The following TAFA1 variants were observed in gnomAD, a reference collection of about 807,000 sequenced individuals.
The protein encoded by TAFA1 is TAFA chemokine like family member 1.
A neutral mutation model predicts 18.5 loss-of-function variants in TAFA1; 4 were observed. The observed-to-expected ratio is 0.22, with a 90% CI of 0.11 to 0.49. TAFA1 has a LOEUF of 0.49. Ranked by LOEUF, TAFA1 falls within the 20% of genes least tolerant of loss-of-function variation. The pLI is 0.98. For synonymous variants in TAFA1, 56 were observed against 55.2 expected, an observed-to-expected ratio of 1.01 and a Z score of -0.06; for missense variants, 147 against 169.0, an observed-to-expected ratio of 0.87 and a Z score of 0.72.
intron 2 of TAFA1, among the ~76,000 whole-genome samples, chr3:68,022,939 A>G (rs1394494846): frequency 7.2e-6 from 1 of 139,748 alleles, no homozygotes; most frequent in Non-Finnish European, 1.5e-5. Flanking sequence ...TAATCCTTAT[A>G]TTTACCACTG....
intron 2 of TAFA1, among the ~76,000 whole-genome samples, chr3:68,244,009 G>T (rs2067035549): frequency 6.6e-6 from 1 of 152,124 alleles, no homozygotes; most frequent in South Asian, 2.1e-4. Flanking sequence ...TCTCATTGTG[G>T]TTTTAATTTG....
intron 2 of TAFA1, among the ~76,000 whole-genome samples, chr3:68,062,887 T>G (rs551470160): frequency 6.6e-6 from 1 of 152,230 alleles, no homozygotes; most frequent in Non-Finnish European, 1.5e-5. Flanking sequence ...CCAAAAGCTC[T>G]CAAAAGCAAT....
At chr3:68,296,363 C>G (rs1004350515) in intron 2 of TAFA1, among the ~76,000 whole-genome samples, 2 of 152,166 alleles carry the variant, frequency 1.3e-5, no homozygotes, top group East Asian at 1.9e-4. Flanking sequence ...TTCCCAAGAG[C>G]CCCTTAAATG....
At chr3:68,281,674 T>A (rs867289847) in intron 2 of TAFA1, among the ~76,000 whole-genome samples, 6 of 152,010 alleles carry the variant, frequency 3.9e-5, no homozygotes, top group Admixed American at 3.3e-4. Context: ...TTCAGGCTGG[T>A]CTCAAACTCC....
intron 2 of TAFA1, among the ~76,000 whole-genome samples, chr3:68,165,370 A>C (rs2065972016): frequency 6.6e-6 from 1 of 152,196 alleles, no homozygotes; most frequent in Non-Finnish European, 1.5e-5. Context: ...ATATTTAGAG[A>C]AAGATTTCTT....
At chr3:68,442,817 A>G (rs1208639096) in intron 3 of TAFA1, among the ~76,000 whole-genome samples, 1 of 152,204 alleles carries the variant, frequency 6.6e-6, no homozygotes, top group East Asian at 1.9e-4. Flanking sequence ...CTCACAGGCA[A>G]TCTTTACTAT....
At chr3:68,462,847 T>C (rs1401378610) in intron 3 of TAFA1, among the ~76,000 whole-genome samples, 1 of 152,178 alleles carries the variant, frequency 6.6e-6, no homozygotes, top group East Asian at 1.9e-4. Context: ...TGAAATTCCA[T>C]GGAATATACA....
rs192573634 is a variant in TAFA1, at chr3:68,460,035, T to A, written c.259+42615T>A. Among the ~76,000 whole-genome samples the A allele has an allele frequency of 3.9e-5, 6 of 152,280 alleles. No homozygotes were observed. The East Asian group carries it at 9.6e-4, about 24-fold the overall frequency. On this transcript the variant is annotated intron_variant, in intron 3 of 4. Coordinates refer to ENST00000478136, the MANE Select transcript of TAFA1 (RefSeq NM_213609.4). The stretch of plus-strand genomic sequence containing the variant: ...CAACTGCATATCATCTCTGAAAGAA[T>A]TACTTTATGGTTGTTCCTTCAATCT...
chr3:68,515,433 C>T (rs1057249290), intron 3 of TAFA1, among the ~76,000 whole-genome samples: 9 of 152,144 alleles, frequency 5.9e-5, no homozygotes, highest in African/African-American at 2.2e-4. Context: ...CCAGCCTGGT[C>T]ATGTGGCCAC....
At chr3:68,288,381 G>A (rs898683357) in intron 2 of TAFA1, among the ~76,000 whole-genome samples, 1 of 26,506 alleles carries the variant, frequency 3.8e-5, no homozygotes, top group South Asian at 3.3e-3. Context: ...CAGTGAAAGC[G>A]AAATGAGCCA....
chr3:68,471,894 C>T (rs1016875596), intron 3 of TAFA1, among the ~76,000 whole-genome samples: 2 of 152,194 alleles, frequency 1.3e-5, no homozygotes, highest in African/African-American at 4.8e-5. Context: ...AGTGTACCCC[C>T]ATTGTATCTA....
chr3:68,366,728 A>G (rs1394271102), intron 2 of TAFA1, among the ~76,000 whole-genome samples: 1 of 152,224 alleles, frequency 6.6e-6, no homozygotes, highest in African/African-American at 2.4e-5. Flanking sequence ...CTATACACCA[A>G]AAAGAATGAT....
intron 2 of TAFA1, among the ~76,000 whole-genome samples, chr3:68,170,416 C>A (rs1319723095): frequency 6.6e-6 from 1 of 152,146 alleles, no homozygotes; most frequent in African/African-American, 2.4e-5. Flanking sequence ...CAAAAATAAT[C>A]AATTGCAGTT....
chr3:68,094,557 A>G (rs184473637), intron 2 of TAFA1, among the ~76,000 whole-genome samples: 175 of 152,282 alleles, frequency 1.1e-3, no homozygotes, highest in African/African-American at 4.1e-3. Context: ...TGTTAATAAT[A>G]TTTGCTGAAG....
chr3:68,028,799 C>T (rs1704872574), intron 2 of TAFA1, among the ~76,000 whole-genome samples: 1 of 151,252 alleles, frequency 6.6e-6, no homozygotes, highest in African/African-American at 2.4e-5. Context: ...GTTGCCCAGG[C>T]GGGAATGCAG....
intron 2 of TAFA1, among the ~76,000 whole-genome samples, chr3:68,071,834 C>T (rs1455342908): frequency 6.6e-6 from 1 of 152,068 alleles, no homozygotes; most frequent in Admixed American, 6.5e-5. Context: ...AGAGGCACAT[C>T]ATATGGTGAA....
chr3:68,484,512 G>T (rs1270078981), intron 3 of TAFA1, among the ~76,000 whole-genome samples: 2 of 152,120 alleles, frequency 1.3e-5, no homozygotes, highest in African/African-American at 4.8e-5. Flanking sequence ...AGGAATAGAA[G>T]CTGATTTCTG....
At chr3:68,049,180 C>A (rs188175925) in intron 2 of TAFA1, among the ~76,000 whole-genome samples, 155 of 152,286 alleles carry the variant, frequency 1.0e-3, no homozygotes, top group African/African-American at 3.5e-3. Flanking sequence ...TTCTCTAAGA[C>A]TGCTGAAGTT....
intron 2 of TAFA1, among the ~76,000 whole-genome samples, chr3:68,262,402 C>G (rs2067453117): frequency 7.7e-6 from 1 of 130,670 alleles, no homozygotes; most frequent in East Asian, 2.2e-4. Context: ...GCATAGTATC[C>G]AATAGGCAGT....
Sources: gnomAD v4.1 joint callset for allele counts (sites outside exome capture counted in the v4.1 genomes callset) on GRCh38, gnomAD v4.1.1 for gene constraint, MANE v1.5 for transcripts, NCBI Gene and HGNC (gene_info 2026-07-23, HGNC 2026-07-21) for gene names.